The following FIG4 variants were observed in gnomAD, a reference collection of about 807,000 sequenced individuals.
FIG4 encodes FIG4 phosphoinositide 5-phosphatase.
In FIG4, 112 loss-of-function variants were observed where a neutral mutation model predicts 118.6. The ratio of observed to expected loss-of-function variants is 0.94; its 90% CI spans 0.81 to 1.11. FIG4 has a LOEUF of 1.11. FIG4 is among the 50% of genes least tolerant of loss of function. The pLI is 0.00. For synonymous variants in FIG4, 369 were observed against 381.2 expected (o/e 0.97, Z 0.37); for missense variants, 969 against 1,111.7 (o/e 0.87, Z 1.83).
intron 16 of FIG4, among the ~76,000 whole-genome samples, chr6:109,783,253 T>C (rs1777857199): frequency 6.6e-6 from 1 of 152,220 alleles, no homozygotes; most frequent in African/African-American, 2.4e-5. Flanking sequence ...GTTCCGCACA[T>C]GTACCCCTGA....
At chr6:109,787,980 T>G (rs757503562) in intron 18 of FIG4, among the ~76,000 whole-genome samples, 1 of 152,198 alleles carries the variant, frequency 6.6e-6, no homozygotes, top group Admixed American at 6.5e-5. Context: ...ATGCATTAGC[T>G]AGAAACTGTT....
intron 2 of FIG4, 85 bp downstream of exon 2, chr6:109,715,261 T>G (rs1036695912): frequency 6.7e-5 from 47 of 699,602 alleles, no homozygotes; most frequent in Non-Finnish European, 1.2e-4. Flanking sequence ...TTTTTAGTGA[T>G]ATATTATTTT....
At chr6:109,806,137 T>A (rs1164614241) in intron 22 of FIG4, among the ~76,000 whole-genome samples, 1 of 152,260 alleles carries the variant, frequency 6.6e-6, no homozygotes, top group Non-Finnish European at 1.5e-5. Context: ...TTTTACTTGT[T>A]TTAAACAGTT....
chr6:109,794,642 A>AG (rs1778226439), intron 21 of FIG4, among the ~76,000 whole-genome samples: 1 of 152,216 alleles, frequency 6.6e-6, no homozygotes, highest in Non-Finnish European at 1.5e-5. Flanking sequence ...GAGCTTTCTT[A>AG]GTGCCTCCTC....
intron 10 of FIG4, among the ~76,000 whole-genome samples, chr6:109,755,205 A>G (rs1002217557): frequency 2.0e-5 from 3 of 152,216 alleles, no homozygotes; most frequent in Non-Finnish European, 4.4e-5. Flanking sequence ...CCCAGTAGTC[A>G]TTCAGGAGCT....
intron 22 of FIG4, among the ~76,000 whole-genome samples, chr6:109,818,234 CT>C (rs1778914886): frequency 6.6e-6 from 1 of 151,006 alleles, no homozygotes; most frequent in Non-Finnish European, 1.5e-5. Flanking sequence ...GAGTTTCGCT[CT>C]TGTTGCCCAG....
At position 109,760,291 on chromosome 6, in the gene FIG4, A is replaced by C; in HGVS notation, c.1179A>C (p.Glu393Asp). 6.2e-7 allele frequency: 1 copy of C among 1,613,750 alleles called. No individual in the cohort carries two copies. The highest frequency in any genetic ancestry group is 1.1e-5 in the South Asian group (1 of 91,070). The change falls in exon 11 of 23, where the codon GAA becomes GAC. Residue 393 changes from glutamate to aspartate, a missense_variant. By Grantham distance (45) the Glu-to-Asp change is conservative. This residue lies in a region of FIG4 where 246 missense variants were observed against 354.3 expected (regional missense o/e 0.69). Transcript: ENST00000230124. ...KRKHERILSE[E>D]LVAAVTYLNQ... ...AGCATGAAAGAATTCTGAGTGAAGA[A>C]CTTGTTGCTGCTGTGACCTATCTCA...
At chr6:109,743,035 A>G in intron 8 of FIG4, 75 bp from the exon 9 acceptor site, 1 of 1,274,222 alleles carries the variant, frequency 7.8e-7, no homozygotes, top group Non-Finnish European at 1.1e-6. Context: ...AATAGGAATT[A>G]TAACTTCATT....
chr6:109,751,424 C>T (rs1484041901), intron 10 of FIG4, among the ~76,000 whole-genome samples: 1 of 152,128 alleles, frequency 6.6e-6, no homozygotes, highest in East Asian at 1.9e-4. Context: ...TGATGCTGGC[C>T]TCATAAAATG....
chr6:109,729,043 A>C (rs975854224), intron 4 of FIG4, among the ~76,000 whole-genome samples: 1 of 152,152 alleles, frequency 6.6e-6, no homozygotes, highest in Non-Finnish European at 1.5e-5. Flanking sequence ...AAAAACTTTT[A>C]ATACTTATAA....
chr6:109,800,467 C>T (rs918096887), intron 22 of FIG4, among the ~76,000 whole-genome samples: 2 of 152,188 alleles, frequency 1.3e-5, no homozygotes, highest in African/African-American at 2.4e-5. Context: ...GCATACTTTG[C>T]TTGACTGATT....
intron 22 of FIG4, among the ~76,000 whole-genome samples, chr6:109,820,207 C>T (rs546653426): frequency 2.0e-5 from 3 of 152,288 alleles, no homozygotes; most frequent in East Asian, 3.9e-4. Flanking sequence ...TTCAATCTAG[C>T]GACTGTCAAA....
intron 22 of FIG4, among the ~76,000 whole-genome samples, chr6:109,803,070 G>A (rs1178559615): frequency 2.0e-5 from 3 of 152,086 alleles, no homozygotes; most frequent in Non-Finnish European, 4.4e-5. Flanking sequence ...ACATAATTCT[G>A]TGTGTTTAAT....
Position 109,791,537 on chromosome 6 carries a change from T to C in FIG4, c.2342T>C (p.Met781Thr), listed in dbSNP as rs202037669. The C allele has an allele frequency of 6.2e-7, 1 of 1,613,952 alleles. No individual in the cohort carries two copies. Among genetic ancestry groups the C allele is most frequent in the Non-Finnish European group, 8.5e-7 (1 of 1,180,004 alleles). ...SVSQRSTPVK[M>T]TDAGDSAKVT... ...TCTCAGCGCTCCACTCCCGTGAAGATGACTGATGCAGGAGACAGTGCCAAA... is the reference window on the plus strand; with the variant it reads ...TCTCAGCGCTCCACTCCCGTGAAGACGACTGATGCAGGAGACAGTGCCAAA... Residue 781 changes from methionine (M) to threonine (T), a missense_variant, in exon 20 of 23, where the codon ATG becomes ACG. Physicochemically the swap from Met to Thr is moderately conservative, Grantham distance 81 (BLOSUM62 -1). Transcript: ENST00000230124.
At chr6:109,777,235 G>T (rs1468387268) in intron 16 of FIG4, among the ~76,000 whole-genome samples, 175 bp downstream of exon 16, 1 of 152,070 alleles carries the variant, frequency 6.6e-6, no homozygotes, top group Non-Finnish European at 1.5e-5. Context: ...GGTACATGAA[G>T]TGTTTTGATA....
intron 1 of FIG4, among the ~76,000 whole-genome samples, chr6:109,703,807 C>G (rs1450827765): frequency 4.6e-5 from 7 of 152,172 alleles, no homozygotes; most frequent in Non-Finnish European, 1.0e-4. Context: ...TTTCTCCTTT[C>G]CCAGATGATC....
At chr6:109,794,174 T>C (rs1419163623) in intron 21 of FIG4, among the ~76,000 whole-genome samples, 2 of 152,284 alleles carry the variant, frequency 1.3e-5, no homozygotes, top group Non-Finnish European at 2.9e-5. Flanking sequence ...CCTTTCATTG[T>C]ATAACAGTTT....
intron 2 of FIG4, among the ~76,000 whole-genome samples, chr6:109,715,843 C>T (rs1256005473): frequency 6.6e-6 from 1 of 152,128 alleles, no homozygotes; most frequent in Non-Finnish European, 1.5e-5. Flanking sequence ...CATAAAGATT[C>T]CTGGTTTCTC....
intron 22 of FIG4, among the ~76,000 whole-genome samples, chr6:109,798,692 G>A (rs944869341): frequency 2.0e-5 from 3 of 152,222 alleles, no homozygotes; most frequent in Non-Finnish European, 4.4e-5. Flanking sequence ...AGAAAAACCT[G>A]CAAGGGAAAC....
Sources: gnomAD v4.1 joint callset for allele counts (sites outside exome capture counted in the v4.1 genomes callset) on GRCh38, gnomAD v4.1.1 for gene constraint, gnomAD v4.1.1 regional missense constraint, MANE v1.5 for transcripts, NCBI Gene and HGNC (gene_info 2026-07-23, HGNC 2026-07-21) for gene names.